Variants in GRXCR1 observed in about 807,000 individuals in gnomAD.
GRXCR1 encodes the protein glutaredoxin domain-containing cysteine-rich protein 1.
GRXCR1 carries 27 observed loss-of-function variants against 27.3 expected under a neutral mutation model. The ratio of observed to expected loss-of-function variants is 0.99; its 90% CI spans 0.73 to 1.37. GRXCR1 has a LOEUF of 1.37. Ranked by LOEUF, GRXCR1 falls within the 40% of genes most tolerant of loss-of-function variation. The pLI, the probability that GRXCR1 is intolerant of heterozygous loss-of-function variation, is 0.00. For synonymous variants in GRXCR1, 122 were observed against 131.1 expected (o/e 0.93, Z 0.47); for missense variants, 379 against 354.4 (o/e 1.07, Z -0.56).
intron 1 of GRXCR1, among the ~76,000 whole-genome samples, chr4:42,895,673 C>G (rs1205607887): frequency 6.6e-6 from 1 of 152,094 alleles, no homozygotes; most frequent in East Asian, 1.9e-4. Flanking sequence ...ATACACCCTA[C>G]TCAACATTAT....
intron 1 of GRXCR1, among the ~76,000 whole-genome samples, chr4:42,936,986 C>T (rs1170728600): frequency 6.6e-6 from 1 of 151,838 alleles, no homozygotes; most frequent in Non-Finnish European, 1.5e-5. Context: ...CCACACTGTA[C>T]TCTTTGGAAA....
chr4:42,983,842 T>C (rs796416528), intron 2 of GRXCR1, among the ~76,000 whole-genome samples: 28 of 151,144 alleles, frequency 1.9e-4, no homozygotes, highest in African/African-American at 4.8e-4. Flanking sequence ...TTCTTTCTTT[T>C]TTTTTTTTTT....
chr4:43,010,231 G>A (rs1712702898), intron 2 of GRXCR1, among the ~76,000 whole-genome samples: 2 of 151,962 alleles, frequency 1.3e-5, no homozygotes, highest in Admixed American at 1.3e-4. Flanking sequence ...GTGAAACCCT[G>A]CCTCTACTAA....
intron 2 of GRXCR1, among the ~76,000 whole-genome samples, chr4:42,969,397 A>C (rs1748328335): frequency 6.6e-6 from 1 of 152,162 alleles, no homozygotes; most frequent in Non-Finnish European, 1.5e-5. Context: ...ATTGACTCAC[A>C]GTCCTGCAGG....
At chr4:43,011,469 T>C (rs1712747871) in intron 2 of GRXCR1, among the ~76,000 whole-genome samples, 1 of 152,140 alleles carries the variant, frequency 6.6e-6, no homozygotes, top group Non-Finnish European at 1.5e-5. Context: ...TCTTGTTTGG[T>C]TCTGTAATAC....
intron 2 of GRXCR1, among the ~76,000 whole-genome samples, chr4:42,982,635 A>G (rs1251100024): frequency 7.9e-6 from 1 of 127,038 alleles, no homozygotes; most frequent in Non-Finnish European, 1.7e-5. Flanking sequence ...CGCCACACTG[A>G]CTTCCACAAT....
chr4:42,961,854 G>A (rs920593821), intron 1 of GRXCR1, among the ~76,000 whole-genome samples: 2 of 151,956 alleles, frequency 1.3e-5, no homozygotes, highest in African/African-American at 2.4e-5. Flanking sequence ...CTACTGGCTT[G>A]CTTTAGTATT....
chr4:42,960,145 T>G (rs1285852906), intron 1 of GRXCR1, among the ~76,000 whole-genome samples: 1 of 151,988 alleles, frequency 6.6e-6, no homozygotes, highest in Non-Finnish European at 1.5e-5. Flanking sequence ...ATGAGTTGGT[T>G]AACATGGCAG....
At chr4:43,026,866 T>TA (rs1034448353) in intron 3 of GRXCR1, among the ~76,000 whole-genome samples, 22 of 152,190 alleles carry the variant, frequency 1.4e-4, no homozygotes, top group Non-Finnish European at 2.8e-4. Context: ...TTTCCTCTCT[T>TA]ACGTTTATGG....
intron 3 of GRXCR1, among the ~76,000 whole-genome samples, chr4:43,023,867 A>G (rs1399518335): frequency 6.6e-6 from 1 of 152,208 alleles, no homozygotes; most frequent in African/African-American, 2.4e-5. Flanking sequence ...GTGTGGCTGA[A>G]AGGATGAATG....
chr4:42,922,134 C>T (rs752100117), intron 1 of GRXCR1, among the ~76,000 whole-genome samples: 16 of 152,000 alleles, frequency 1.1e-4, no homozygotes, highest in Non-Finnish European at 2.4e-4. Flanking sequence ...ATGTTCCATG[C>T]CCTTATTTTG....
chr4:42,985,790 T>G (rs1711697324), intron 2 of GRXCR1, among the ~76,000 whole-genome samples: 1 of 152,194 alleles, frequency 6.6e-6, no homozygotes, highest in Admixed American at 6.5e-5. Flanking sequence ...CAATTTTAAA[T>G]TGATTATCAA....
intron 1 of GRXCR1, among the ~76,000 whole-genome samples, chr4:42,919,464 C>T (rs1447393826): frequency 1.3e-5 from 2 of 152,088 alleles, no homozygotes; most frequent in Non-Finnish European, 2.9e-5. Flanking sequence ...TTCACTTTTG[C>T]TTTACATTTT....
chr4:42,918,808 T>A (rs1274094008), intron 1 of GRXCR1, among the ~76,000 whole-genome samples: 2 of 152,056 alleles, frequency 1.3e-5, no homozygotes, highest in Admixed American at 6.6e-5. Context: ...ACAGGATAAA[T>A]TCACTCTATC....
At chr4:42,989,236 G>T (rs1443689194) in intron 2 of GRXCR1, among the ~76,000 whole-genome samples, 1 of 152,176 alleles carries the variant, frequency 6.6e-6, no homozygotes, top group Non-Finnish European at 1.5e-5. Flanking sequence ...TGGAAGATTT[G>T]GTTTCTCCTG....
At chr4:43,010,218 A>T (rs549992454) in intron 2 of GRXCR1, among the ~76,000 whole-genome samples, 1 of 152,142 alleles carries the variant, frequency 6.6e-6, no homozygotes. Flanking sequence ...CTTGGCTAAC[A>T]TGGTGAAACC....
chr4:42,893,859 A>G (rs577032753), intron 1 of GRXCR1, among the ~76,000 whole-genome samples: 12 of 152,272 alleles, frequency 7.9e-5, no homozygotes, highest in Admixed American at 6.5e-4. Flanking sequence ...TCAAAGCCAA[A>G]TTTCTAACAC....
chr4:42,957,721 G>A (rs28604435), intron 1 of GRXCR1, among the ~76,000 whole-genome samples: 8,817 of 151,300 alleles, frequency 0.058, 503 homozygotes, highest in African/African-American at 0.14. Flanking sequence ...AGACCCTGAT[G>A]TATTCTTCAG....
chr4:42,931,065 T>A (rs553278247), intron 1 of GRXCR1, among the ~76,000 whole-genome samples: 140 of 152,044 alleles, frequency 9.2e-4, no homozygotes, highest in Non-Finnish European at 7.2e-4. Context: ...AAAGCTTTTT[T>A]TTTTCCCTTT....
Sources: gnomAD v4.1 joint callset for allele counts (sites outside exome capture counted in the v4.1 genomes callset) on GRCh38, gnomAD v4.1.1 for gene constraint, MANE v1.5 for transcripts, NCBI Gene and HGNC (gene_info 2026-07-23, HGNC 2026-07-21) for gene names.